Variants in ITPR1 observed in about 807,000 individuals in gnomAD.
ITPR1 encodes the protein inositol 1,4,5-trisphosphate receptor type 1.
A neutral mutation model predicts 318.4 loss-of-function variants in ITPR1; 96 were observed. That is an observed-to-expected ratio of 0.30 (90% CI 0.26 to 0.36). The LOEUF (loss-of-function observed/expected upper bound fraction) is 0.36, where lower values mean the gene tolerates loss of function less well. Among genes scored for constraint, ITPR1 ranks in the 10% least tolerant of loss-of-function variants. The pLI is 1.00. For missense variants in ITPR1, 2,440 were observed against 3,460.2 expected, an observed-to-expected ratio of 0.71 and a Z score of 7.40; for synonymous variants, 1,312 against 1,289.9, an observed-to-expected ratio of 1.02 and a Z score of -0.37.
intron 6 of ITPR1, among the ~76,000 whole-genome samples, chr3:4,640,268 G>T (rs1354221551): frequency 6.6e-6 from 1 of 152,130 alleles, no homozygotes; most frequent in Non-Finnish European, 1.5e-5. Context: ...TTGCTATTAG[G>T]TATAGAGCAG....
chr3:4,549,714 A>G (rs1442611149), intron 4 of ITPR1, among the ~76,000 whole-genome samples: 1 of 152,174 alleles, frequency 6.6e-6, no homozygotes, highest in Non-Finnish European at 1.5e-5. Flanking sequence ...GGTTTTCATC[A>G]GTAGCCTCTG....
At chr3:4,698,264 T>C (rs1202320815) in intron 34 of ITPR1, among the ~76,000 whole-genome samples, 1 of 148,958 alleles carries the variant, frequency 6.7e-6, no homozygotes, top group Non-Finnish European at 1.5e-5. Flanking sequence ...ATGTGGTATT[T>C]TCTGCTTGAC....
chr3:4,589,351 T>C (rs1415456539), intron 4 of ITPR1, among the ~76,000 whole-genome samples: 1 of 152,176 alleles, frequency 6.6e-6, no homozygotes, highest in Non-Finnish European at 1.5e-5. Context: ...CCAGTTTCAG[T>C]CGTGATCTGC....
At chr3:4,628,996 T>G (rs891153385) in intron 5 of ITPR1, among the ~76,000 whole-genome samples, 8 of 152,168 alleles carry the variant, frequency 5.3e-5, no homozygotes, top group Non-Finnish European at 1.2e-4. Flanking sequence ...GTGTGTTGTT[T>G]CAGACGGGCT....
intron 4 of ITPR1, among the ~76,000 whole-genome samples, chr3:4,606,891 G>T (rs1232073517): frequency 6.6e-6 from 1 of 152,168 alleles, no homozygotes; most frequent in African/African-American, 2.4e-5. Flanking sequence ...AGGCACAGAA[G>T]AGTGCTGCAT....
chr3:4,635,299 C>T lies in ITPR1; in HGVS notation c.280-4085C>T, dbSNP rs544007267. Among the ~76,000 whole-genome samples, 27 of 152,302 alleles carry T rather than the reference C, an allele frequency of 1.8e-4. 1 individual carries two copies. In the South Asian group the frequency reaches 5.4e-3, roughly 30 times the overall value. On this transcript the variant is annotated intron_variant, in intron 5 of 61. Coordinates refer to ENST00000649015, the MANE Select transcript of ITPR1 (RefSeq NM_001378452.1). The stretch of plus-strand genomic sequence containing the variant: ...TTTTGGTCAATATTGCCTGAGTATC[C>T]TTTAGAAAGGTGCTAACTCAGTAAA...
intron 4 of ITPR1, among the ~76,000 whole-genome samples, chr3:4,598,574 A>T (rs767384210): frequency 1.6e-4 from 25 of 152,184 alleles, no homozygotes; most frequent in Non-Finnish European, 2.8e-4. Flanking sequence ...GTGAGCCATG[A>T]TCACACCACT....
intron 4 of ITPR1, among the ~76,000 whole-genome samples, chr3:4,600,213 C>T (rs995172280): frequency 1.3e-5 from 2 of 151,982 alleles, no homozygotes; most frequent in Non-Finnish European, 2.9e-5. Context: ...CATTGCATAC[C>T]ACAGTTTCCA....
chr3:4,499,161 T>A (rs9838575), intron 2 of ITPR1, among the ~76,000 whole-genome samples: 5,850 of 152,150 alleles, frequency 0.038, 366 homozygotes, highest in African/African-American at 0.13. Context: ...GTTAAAAAAA[T>A]TTTTTTAAGG....
chr3:4,721,172 G>GTGTATATATATATATATATATA (rs1356149562), intron 40 of ITPR1, among the ~76,000 whole-genome samples: 4 of 125,064 alleles, frequency 3.2e-5, no homozygotes, highest in African/African-American at 1.1e-4. Context: ...GTGTGTGCGT[G>GTGTATATATATATATATATATA]TATATATATA....
intron 59 of ITPR1, chr3:4,816,181 A>G (rs1329389471): frequency 2.0e-5 from 3 of 152,196 alleles, no homozygotes; most frequent in African/African-American, 7.2e-5. Context: ...ACCTTATTCA[A>G]ATTTCACCCT....
At chr3:4,652,655 G>A (rs2093622356) in intron 11 of ITPR1, among the ~76,000 whole-genome samples, 2 of 152,168 alleles carry the variant, frequency 1.3e-5, no homozygotes, top group South Asian at 4.1e-4. Context: ...CAGAGCATTA[G>A]TGGAATAGAC....
intron 44 of ITPR1, among the ~76,000 whole-genome samples, chr3:4,759,429 G>A (rs377020370): frequency 5.8e-4 from 89 of 152,330 alleles, no homozygotes; most frequent in African/African-American, 2.1e-3. Flanking sequence ...TCGGGTTGTA[G>A]TTTCAACCAG....
At chr3:4,820,501 G>A (rs1469071717) in intron 60 of ITPR1, among the ~76,000 whole-genome samples, 2 of 152,184 alleles carry the variant, frequency 1.3e-5, no homozygotes, top group African/African-American at 4.8e-5. Flanking sequence ...ACTTGATAAG[G>A]ATTAAGAGCC....
At chr3:4,712,195 G>A (rs557107964) in intron 39 of ITPR1, among the ~76,000 whole-genome samples, 3 of 152,242 alleles carry the variant, frequency 2.0e-5, no homozygotes, top group South Asian at 2.1e-4. Context: ...CAAAGTATGC[G>A]TTTCTGATTT....
chr3:4,686,956 A>G (rs982783400), intron 30 of ITPR1, among the ~76,000 whole-genome samples: 3 of 152,226 alleles, frequency 2.0e-5, no homozygotes, highest in Admixed American at 6.5e-5. Flanking sequence ...TGTAATCCCC[A>G]TTATGTTGTC....
At chr3:4,834,145 G>A (rs529911386) in intron 60 of ITPR1, among the ~76,000 whole-genome samples, 1 of 152,158 alleles carries the variant, frequency 6.6e-6, no homozygotes, top group African/African-American at 2.4e-5. Context: ...CACCCACCTC[G>A]GCCTCCCAAA....
chr3:4,692,747 T>G (rs370772130), intron 32 of ITPR1, among the ~76,000 whole-genome samples: 3 of 125,658 alleles, frequency 2.4e-5, no homozygotes, highest in Admixed American at 7.9e-5. Flanking sequence ...AAGGCATATC[T>G]TAATTAAAAG....
At chr3:4,713,488 T>C (rs561491462) in intron 39 of ITPR1, among the ~76,000 whole-genome samples, 87 of 152,348 alleles carry the variant, frequency 5.7e-4, no homozygotes, top group Admixed American at 1.3e-3. Flanking sequence ...TGGAGTTTCC[T>C]GAGTCTCTAT....
Sources: allele counts gnomAD v4.1 joint callset (sites outside exome capture counted in the v4.1 genomes callset), GRCh38; gene constraint gnomAD v4.1.1; transcripts MANE v1.5; gene names NCBI Gene and HGNC (gene_info 2026-07-23, HGNC 2026-07-21).